ANKRD30BL: variants seen among roughly 807,000 people sequenced by gnomAD.
The protein encoded by ANKRD30BL is ankyrin repeat domain 30B like, also known as putative ankyrin repeat domain-containing protein 30B-like.
In ANKRD30BL, 20 loss-of-function variants were observed where a neutral mutation model predicts 18.4. The observed-to-expected ratio is 1.09, with a 90% CI of 0.77 to 1.58. The LOEUF (loss-of-function observed/expected upper bound fraction) is 1.58, where lower values mean the gene tolerates loss of function less well. Ranked by LOEUF, ANKRD30BL falls within the 40% of genes most tolerant of loss-of-function variation. The probability of loss-of-function intolerance (pLI) is 0.00; values close to 1 mark genes in which losing one functional copy is unlikely to be tolerated. For missense variants in ANKRD30BL, 224 were observed against 268.6 expected (o/e 0.83, Z 1.16); for synonymous variants, 72 against 100.9 (o/e 0.71, Z 1.72).
At chr2:132,236,443 C>A (rs201751209) in intron 1 of ANKRD30BL, among the ~76,000 whole-genome samples, 1 of 152,050 alleles carries the variant, frequency 6.6e-6, no homozygotes, top group African/African-American at 2.4e-5. Context: ...AAACAAACAA[C>A]CCCATCAAAA....
upstream of ANKRD30BL, among the ~76,000 whole-genome samples, chr2:132,165,256 G>GT (rs34616292): frequency 2.2e-3 from 307 of 142,554 alleles, 1 homozygote; most frequent in East Asian, 0.032. Flanking sequence ...TGACGTATCA[G>GT]TTTTTTTTTT....
At chr2:132,243,526 A>T (rs1258764043) in intron 1 of ANKRD30BL, among the ~76,000 whole-genome samples, 2 of 151,118 alleles carry the variant, frequency 1.3e-5, no homozygotes, top group African/African-American at 4.8e-5. Context: ...AGTGGATATT[A>T]ACACAGCACT....
chr2:132,160,103 GATTT>G, intron 1 of ANKRD30BL, among the ~76,000 whole-genome samples: 1 of 151,964 alleles, frequency 6.6e-6, no homozygotes, highest in Admixed American at 6.6e-5. Context: ...AATAATTTGT[GATTT>G]ATTTATTTAT....
chr2:132,194,388 C>T (rs564090007), intron 1 of ANKRD30BL, among the ~76,000 whole-genome samples: 15 of 152,184 alleles, frequency 9.9e-5, no homozygotes, highest in South Asian at 8.3e-4. Context: ...CATAAGTCAG[C>T]GACAGCCTGG....
chr2:132,160,259 G>A (rs1688017942), intron 1 of ANKRD30BL, among the ~76,000 whole-genome samples: 1 of 151,828 alleles, frequency 6.6e-6, no homozygotes, highest in Admixed American at 6.6e-5. Flanking sequence ...CCGACATCCT[G>A]CCTGGCTAAT....
At chr2:132,253,461 G>C (rs1680721902) in intron 1 of ANKRD30BL, among the ~76,000 whole-genome samples, 1 of 152,146 alleles carries the variant, frequency 6.6e-6, no homozygotes. Context: ...GAGAGGTGGT[G>C]CCGACCACAG....
intron 1 of ANKRD30BL, among the ~76,000 whole-genome samples, chr2:132,254,037 C>A (rs1187061884): frequency 6.7e-6 from 1 of 149,724 alleles, no homozygotes; most frequent in African/African-American, 2.4e-5. Flanking sequence ...ACCCCCACCC[C>A]ACCGTGACGC....
intron 1 of ANKRD30BL, among the ~76,000 whole-genome samples, chr2:132,195,767 G>A (rs530174117): frequency 3.4e-4 from 49 of 142,416 alleles, no homozygotes; most frequent in African/African-American, 1.3e-3. Flanking sequence ...CTCCAACCTG[G>A]GCAACAGAGT....
chr2:132,196,651 T>A (rs1342636540), intron 1 of ANKRD30BL, among the ~76,000 whole-genome samples: 3 of 151,826 alleles, frequency 2.0e-5, no homozygotes, highest in African/African-American at 7.3e-5. Flanking sequence ...CCAAGTGTGG[T>A]GGCGCATGCC....
At chr2:132,188,346 C>A (rs557282314) in intron 1 of ANKRD30BL, among the ~76,000 whole-genome samples, 6,752 of 152,128 alleles carry the variant, frequency 0.044, 474 homozygotes, top group African/African-American at 0.15. Flanking sequence ...TAGAATTGTG[C>A]TATTTTCAGT....
intron 1 of ANKRD30BL, among the ~76,000 whole-genome samples, chr2:132,247,495 A>G (rs1362821259): frequency 1.3e-5 from 2 of 151,796 alleles, no homozygotes; most frequent in Admixed American, 6.6e-5. Flanking sequence ...TTGTTTCCAA[A>G]CAGCTCAATG....
chr2:132,161,465 C>T, intron 1 of ANKRD30BL, 23 bp downstream of exon 1: 2 of 1,446,842 alleles, frequency 1.4e-6, no homozygotes, highest in Non-Finnish European at 1.9e-6. Flanking sequence ...TCCTGCAGCC[C>T]CGGCTCAGGC....
At chr2:132,182,644 C>G (rs1316865918) in intron 1 of ANKRD30BL, among the ~76,000 whole-genome samples, 1 of 152,040 alleles carries the variant, frequency 6.6e-6, no homozygotes, top group Non-Finnish European at 1.5e-5. Flanking sequence ...AGGATAAATG[C>G]ATGCTAACTT....
chr2:132,208,259 T>C (rs1414586679), intron 1 of ANKRD30BL, among the ~76,000 whole-genome samples: 2 of 152,164 alleles, frequency 1.3e-5, no homozygotes, highest in Admixed American at 6.6e-5. Flanking sequence ...CCAAATATGT[T>C]TTATGTTGCC....
intron 1 of ANKRD30BL, among the ~76,000 whole-genome samples, chr2:132,172,757 G>A (rs1200725898): frequency 6.6e-6 from 1 of 151,624 alleles, no homozygotes; most frequent in Non-Finnish European, 1.5e-5. Flanking sequence ...GCCCAGGCTG[G>A]AGTGCAGTGG....
upstream of ANKRD30BL, among the ~76,000 whole-genome samples, chr2:132,162,697 G>C (rs1443546524): frequency 5.9e-5 from 9 of 152,256 alleles, no homozygotes; most frequent in Admixed American, 5.9e-4. Context: ...TGCAGGGCTG[G>C]GCCCGACGGC....
At chr2:132,198,306 TTCTTTCTTTCTTTCTTTC>T (rs1208427121) in intron 1 of ANKRD30BL, among the ~76,000 whole-genome samples, 187 of 12,590 alleles carry the variant, frequency 0.015, 6 homozygotes, top group South Asian at 0.1. Context: ...CTTTCTTTCT[TTCTTTCTTTCTTTCTTTC>T]TTTTTTTTTT....
intron 1 of ANKRD30BL, among the ~76,000 whole-genome samples, chr2:132,200,330 A>G (rs547513253): frequency 2.6e-4 from 40 of 152,112 alleles, no homozygotes; most frequent in African/African-American, 9.2e-4. Context: ...AGGGTATTCA[A>G]TTAGGAAAAG....
At chr2:132,234,472 C>G (rs1224533538) in intron 1 of ANKRD30BL, among the ~76,000 whole-genome samples, 1 of 152,100 alleles carries the variant, frequency 6.6e-6, no homozygotes, top group East Asian at 1.9e-4. Flanking sequence ...AGAGAAGAAT[C>G]AAATAGACAC....
Sources: gnomAD v4.1 joint callset for allele counts (sites outside exome capture counted in the v4.1 genomes callset) on GRCh38, gnomAD v4.1.1 for gene constraint, MANE v1.5 for transcripts, NCBI Gene and HGNC (gene_info 2026-07-23, HGNC 2026-07-21) for gene names.